Variants in KCNMA1 observed in about 807,000 individuals in gnomAD.
KCNMA1 encodes potassium calcium-activated channel subfamily M alpha 1, also known as Calcium-activated potassium channel subunit alpha-1.
In KCNMA1, 29 loss-of-function variants were observed where a neutral mutation model predicts 140.0. The ratio of observed to expected loss-of-function variants is 0.21; its 90% CI spans 0.15 to 0.28. The LOEUF is 0.28. KCNMA1 is among the 10% of genes least tolerant of loss of function. The pLI, the probability that KCNMA1 is intolerant of heterozygous loss-of-function variation, is 1.00. For synonymous variants in KCNMA1, 612 were observed against 611.9 expected (o/e 1.00, Z 0.00); for missense variants, 880 against 1,602.2 (o/e 0.55, Z 7.70).
intron 17 of KCNMA1, among the ~76,000 whole-genome samples, chr10:77,014,786 A>T (rs1437052866): frequency 6.6e-6 from 1 of 152,196 alleles, no homozygotes; most frequent in Non-Finnish European, 1.5e-5. Context: ...TGGAGCAGGC[A>T]GAGTATCTAA....
At chr10:77,366,231 C>T (rs1288325659) in intron 2 of KCNMA1, among the ~76,000 whole-genome samples, 5 of 152,040 alleles carry the variant, frequency 3.3e-5, no homozygotes, top group East Asian at 1.9e-4. Flanking sequence ...TGCAATGGCA[C>T]GATCTCAGCT....
intron 1 of KCNMA1, among the ~76,000 whole-genome samples, chr10:77,525,156 G>A (rs1372098349): frequency 6.6e-6 from 1 of 152,188 alleles, no homozygotes; most frequent in Admixed American, 6.5e-5. Flanking sequence ...AATACTTTCT[G>A]GACCTCATGC....
chr10:77,116,808 C>T (rs2097483159), intron 6 of KCNMA1, among the ~76,000 whole-genome samples: 1 of 152,150 alleles, frequency 6.6e-6, no homozygotes, highest in South Asian at 2.1e-4. Context: ...GTCTTTGATG[C>T]TTCAACCCCA....
At chr10:77,302,810 T>A (rs2076845138) in intron 2 of KCNMA1, among the ~76,000 whole-genome samples, 1 of 151,966 alleles carries the variant, frequency 6.6e-6, no homozygotes. Flanking sequence ...AGGGTGGGTA[T>A]AGGTGAAGAG....
chr10:77,637,652 C>A lies in KCNMA1; in HGVS notation c.-10G>T. On this transcript the variant is annotated 5_prime_UTR_variant, in exon 1 of 28. Transcript: ENST00000286628. ...CGCCACCATTTGCCATAGCTAGCAA[C>A]GGGCAGCCGGCGCAGGGGCTCGGGG... The A allele has an allele frequency of 1.3e-6, 2 of 1,501,452 alleles. No homozygotes were observed. Among genetic ancestry groups the A allele is most frequent in the Non-Finnish European group, 1.8e-6 (2 of 1,132,026 alleles). 93.0% of individuals were successfully genotyped at this position (1,501,452 alleles called of 1,614,324 possible). A position where few individuals can be genotyped will look rare whatever the true frequency, so the allele number is the denominator to read the frequency against.
chr10:77,228,644 A>T (rs953369121), intron 3 of KCNMA1, among the ~76,000 whole-genome samples: 2 of 152,238 alleles, frequency 1.3e-5, no homozygotes, highest in Non-Finnish European at 1.5e-5. Flanking sequence ...TATCAATTTG[A>T]AGGCACATAA....
At chr10:77,403,725 G>C (rs1383802812) in intron 2 of KCNMA1, 137 bp downstream of exon 2, 1 of 773,694 alleles carries the variant, frequency 1.3e-6, no homozygotes, top group Non-Finnish European at 2.1e-6. Flanking sequence ...GACCACGCGG[G>C]AGCACTTGCT....
intron 2 of KCNMA1, among the ~76,000 whole-genome samples, chr10:77,302,366 C>T (rs2076739188): frequency 6.6e-6 from 1 of 152,118 alleles, no homozygotes; most frequent in African/African-American, 2.4e-5. Flanking sequence ...TGTCCTGTGG[C>T]CAGTCCTGAT....
At chr10:77,189,147 T>A (rs2098915323) in intron 3 of KCNMA1, among the ~76,000 whole-genome samples, 1 of 152,130 alleles carries the variant, frequency 6.6e-6, no homozygotes, top group African/African-American at 2.4e-5. Context: ...TTCTTACAGT[T>A]TCCCAGATAA....
At chr10:77,192,204 C>T (rs928922152) in intron 3 of KCNMA1, among the ~76,000 whole-genome samples, 3 of 152,228 alleles carry the variant, frequency 2.0e-5, no homozygotes, top group African/African-American at 4.8e-5. Flanking sequence ...AGATTGCTAA[C>T]AGAGAGAATG....
At chr10:77,090,365 G>T (rs1232351132) in intron 10 of KCNMA1, 35 bp downstream of exon 10, 1 of 1,349,072 alleles carries the variant, frequency 7.4e-7, no homozygotes. Flanking sequence ...GTGTGTGGTT[G>T]GGCAGAGGGT....
Position 77,171,656 on chromosome 10 carries a change from G to A in KCNMA1, c.808+11765C>T, listed in dbSNP as rs965602234. ...CTGGGTGATTCTAACATACTGCCAA[G>A]ATCATTTAGCCCATAGAAGAATCAC... is the stretch of plus-strand genomic sequence containing the variant. On this transcript the variant is annotated intron_variant, in intron 5 of 27. Coordinates refer to ENST00000286628, the MANE Select transcript of KCNMA1 (RefSeq NM_001161352.2). Among the ~76,000 whole-genome samples, 4 of 152,064 alleles carry A rather than the reference G, an allele frequency of 2.6e-5. No homozygotes were observed. The East Asian group carries it at 7.7e-4, about 29-fold the overall frequency.
At chr10:77,330,657 G>C (rs1038886987) in intron 2 of KCNMA1, among the ~76,000 whole-genome samples, 13 of 152,284 alleles carry the variant, frequency 8.5e-5, no homozygotes, top group Admixed American at 2.6e-4. Flanking sequence ...CTGAGGCCTA[G>C]AGATTGACAT....
At chr10:77,613,835 G>GA (rs1403739762) in intron 1 of KCNMA1, among the ~76,000 whole-genome samples, 1 of 152,080 alleles carries the variant, frequency 6.6e-6, no homozygotes. Flanking sequence ...GGGTAGAGAA[G>GA]AAAAAAATGA....
chr10:77,489,681 C>T (rs1172886702), intron 1 of KCNMA1, among the ~76,000 whole-genome samples: 2 of 152,374 alleles, frequency 1.3e-5, no homozygotes, highest in Middle Eastern at 3.4e-3. Context: ...CATCCTTACT[C>T]TATCAGCAAG....
chr10:77,571,948 A>G (rs371696345), intron 1 of KCNMA1, among the ~76,000 whole-genome samples: 1 of 152,240 alleles, frequency 6.6e-6, no homozygotes, highest in African/African-American at 2.4e-5. Flanking sequence ...AGCAGCAGCA[A>G]CAAGGTTTTA....
At chr10:77,198,357 T>A (rs1174801184) in intron 3 of KCNMA1, among the ~76,000 whole-genome samples, 1 of 152,004 alleles carries the variant, frequency 6.6e-6, no homozygotes, top group Non-Finnish European at 1.5e-5. Context: ...GTAGGGACTC[T>A]ATGCATCTAT....
chr10:76,886,037 C>T lies in KCNMA1; in HGVS notation c.*1229G>A. On this transcript the variant is annotated 3_prime_UTR_variant, in exon 28 of 28. Transcript: ENST00000286628. The stretch of plus-strand genomic sequence containing the variant: ...CAGCTTTCTGCATTGGGACAGCCAG[C>T]ACCGCACAGCTGTGCCAACAGTTGA... 2.0e-6 allele frequency: 2 copies of T among 985,420 alleles called. No homozygotes were observed. Among genetic ancestry groups the T allele is most frequent in the South Asian group, 9.4e-5 (2 of 21,290 alleles). The allele number at this position is 985,420 out of a possible 1,614,324, so 61.0% of individuals were successfully genotyped here.
chr10:77,371,701 C>G (rs1363908810), intron 2 of KCNMA1, among the ~76,000 whole-genome samples: 1 of 152,120 alleles, frequency 6.6e-6, no homozygotes, highest in Non-Finnish European at 1.5e-5. Context: ...TTTTCCACCC[C>G]TGTTATGATA....
Sources: gnomAD v4.1 joint callset for allele counts (sites outside exome capture counted in the v4.1 genomes callset) on GRCh38, gnomAD v4.1.1 for gene constraint, MANE v1.5 for transcripts, NCBI Gene and HGNC (gene_info 2026-07-23, HGNC 2026-07-21) for gene names.